The following ADCY2 variants were observed in gnomAD, a reference collection of about 807,000 sequenced individuals.
ADCY2 encodes adenylate cyclase type 2.
ADCY2 carries 31 observed loss-of-function variants against 125.2 expected under a neutral mutation model. That is an observed-to-expected ratio of 0.25 (90% CI 0.19 to 0.33). ADCY2 has a LOEUF of 0.33. ADCY2 is among the 10% of genes least tolerant of loss of function. ADCY2 has a pLI of 1.00. For missense variants in ADCY2, 904 were observed against 1,418.2 expected (o/e 0.64, Z 5.82); for synonymous variants, 512 against 548.4 (o/e 0.93, Z 0.93).
intron 7 of ADCY2, among the ~76,000 whole-genome samples, chr5:7,701,094 A>AAT (rs1271862524): frequency 6.6e-6 from 1 of 152,030 alleles, no homozygotes; most frequent in African/African-American, 2.4e-5. Context: ...GATTGAAAAA[A>AAT]ATATATTTTT....
chr5:7,399,071 C>A (rs986243120), intron 1 of ADCY2, among the ~76,000 whole-genome samples: 31 of 152,308 alleles, frequency 2.0e-4, no homozygotes, highest in Admixed American at 1.4e-3. Flanking sequence ...GCTTTGGGAC[C>A]CTGCCAAGGT....
chr5:7,673,929 G>A (rs1022443249), intron 4 of ADCY2, among the ~76,000 whole-genome samples: 5 of 152,252 alleles, frequency 3.3e-5, no homozygotes, highest in Non-Finnish European at 1.5e-5. Flanking sequence ...ATAAACTTAC[G>A]TTGTCAGGGC....
In ADCY2 at chr5:7,396,344, C is replaced by G. The variant is rs772867932; in HGVS notation, c.48C>G (p.Ser16=). The G allele has an allele frequency of 5.8e-6, 9 of 1,538,864 alleles. No homozygotes were observed. In the South Asian group the frequency reaches 9.4e-5, roughly 16 times the overall value. ...MRRRRYLRDR[S]EEAAGGGDGL... is the part of the protein sequence containing the mutation. ...GCCGCCGCTACCTGCGGGACCGCTC[C>G]GAGGAGGCGGCGGGCGGCGGAGACG... The change falls in exon 1 of 25, where the codon TCC becomes TCG. Residue 16 remains serine, a synonymous_variant. Transcript: ENST00000338316. This position sits in a 1 kb window ranked among gnomAD's most constrained non-coding sequence, Gnocchi z 5.7.
chr5:7,754,206 T>A (rs1742915915), intron 15 of ADCY2, among the ~76,000 whole-genome samples: 1 of 152,208 alleles, frequency 6.6e-6, no homozygotes, highest in South Asian at 2.1e-4. Context: ...TACTAGCCTA[T>A]GAGCAGAATA....
intron 2 of ADCY2, among the ~76,000 whole-genome samples, chr5:7,476,237 G>A (rs1742519883): frequency 6.6e-6 from 1 of 151,768 alleles, no homozygotes; most frequent in African/African-American, 2.4e-5. Flanking sequence ...AAAAAAAAAA[G>A]TATGAATGTT....
chr5:7,407,008 C>T (rs1047786947), intron 1 of ADCY2, among the ~76,000 whole-genome samples: 3 of 152,076 alleles, frequency 2.0e-5, no homozygotes, highest in African/African-American at 7.2e-5. Flanking sequence ...TTCCTGGCAC[C>T]ACACTCTTAT....
intron 4 of ADCY2, among the ~76,000 whole-genome samples, chr5:7,645,934 A>G (rs900690589): frequency 2.0e-5 from 3 of 152,218 alleles, no homozygotes; most frequent in Admixed American, 2.0e-4. Context: ...AAAAATACTT[A>G]AGTATGTTGC....
At chr5:7,785,170 T>C (rs894033247) in intron 19 of ADCY2, among the ~76,000 whole-genome samples, 1 of 152,216 alleles carries the variant, frequency 6.6e-6, no homozygotes, top group East Asian at 1.9e-4. Flanking sequence ...AACGAACCCA[T>C]GAAGAAGCAA....
chr5:7,806,211 A>G (rs752396957), intron 22 of ADCY2, among the ~76,000 whole-genome samples: 4 of 152,238 alleles, frequency 2.6e-5, no homozygotes, highest in African/African-American at 9.6e-5. Context: ...TATTCTATTT[A>G]TAACCCAAAC....
At chr5:7,762,236 C>T (rs1743246863) in intron 16 of ADCY2, among the ~76,000 whole-genome samples, 5 of 152,176 alleles carry the variant, frequency 3.3e-5, no homozygotes, top group Admixed American at 2.6e-4. Flanking sequence ...GTACTTATGT[C>T]AAAGAAAAAT....
chr5:7,511,304 G>T (rs1330501288), intron 2 of ADCY2, among the ~76,000 whole-genome samples: 2 of 152,146 alleles, frequency 1.3e-5, no homozygotes, highest in Non-Finnish European at 2.9e-5. Context: ...GGCCAGGGGC[G>T]GTGCCTCACG....
At chr5:7,643,659 G>A (rs1738788967) in intron 4 of ADCY2, among the ~76,000 whole-genome samples, 1 of 149,534 alleles carries the variant, frequency 6.7e-6, no homozygotes, top group Non-Finnish European at 1.5e-5. Context: ...ATGACATTTT[G>A]ATTTACTTCC....
intron 12 of ADCY2, among the ~76,000 whole-genome samples, chr5:7,718,305 C>T (rs1215336581): frequency 2.6e-5 from 4 of 151,978 alleles, no homozygotes; most frequent in East Asian, 1.9e-4. Flanking sequence ...ATCGCCACCA[C>T]ACCTAGCTAA....
At chr5:7,401,300 A>G (rs1260668247) in intron 1 of ADCY2, among the ~76,000 whole-genome samples, 3 of 152,194 alleles carry the variant, frequency 2.0e-5, no homozygotes, top group South Asian at 2.1e-4. Flanking sequence ...CTCATTCTAC[A>G]GATGATGAAA....
intron 4 of ADCY2, among the ~76,000 whole-genome samples, chr5:7,633,201 C>G (rs10042875): frequency 1.3e-5 from 2 of 151,860 alleles, no homozygotes; most frequent in East Asian, 3.9e-4. Flanking sequence ...GAGGCCGAGG[C>G]GGGCGGATCA....
intron 22 of ADCY2, among the ~76,000 whole-genome samples, chr5:7,816,286 C>T (rs751678535): frequency 3.3e-5 from 5 of 152,192 alleles, no homozygotes; most frequent in Admixed American, 6.5e-5. Context: ...AGCTGCCACC[C>T]GGGGCAGTAG....
intron 2 of ADCY2, 114 bp from the exon 3 acceptor site, chr5:7,520,624 C>G (rs1377348803): frequency 3.4e-6 from 4 of 1,167,016 alleles, no homozygotes; most frequent in Non-Finnish European, 3.7e-6. Context: ...TAGATTATTT[C>G]TAAAATGAGC....
intron 4 of ADCY2, among the ~76,000 whole-genome samples, chr5:7,651,794 T>A (rs1739100588): frequency 6.6e-6 from 1 of 152,076 alleles, no homozygotes; most frequent in African/African-American, 2.4e-5. Flanking sequence ...CACGTCTTTT[T>A]ATTTATTTAT....
rs1472879141 is a variant in ADCY2 at position 7,828,785 on chromosome 5, A to G, written c.*1914A>G. ...TGAGCTCAAACTGGCCTTGGTGTAA[A>G]ATGTGTAAGGATGAGCAGCAGGCGT... On this transcript the variant is annotated 3_prime_UTR_variant, in exon 25 of 25. Transcript: ENST00000338316. 1 of 152,232 alleles carries G rather than the reference A, an allele frequency of 6.6e-6. No individual in the cohort carries two copies. The highest frequency in any genetic ancestry group is 1.5e-5 in the Non-Finnish European group (1 of 68,030). 9.4% of individuals were successfully genotyped at this position (152,232 alleles called of 1,614,324 possible). A position where few individuals can be genotyped will look rare whatever the true frequency, so the allele number is the denominator to read the frequency against.
Sources: gnomAD v4.1 joint callset for allele counts (sites outside exome capture counted in the v4.1 genomes callset) on GRCh38, gnomAD v4.1.1 for gene constraint, Gnocchi (gnomAD v3.1) non-coding constraint, MANE v1.5 for transcripts, NCBI Gene and HGNC (gene_info 2026-07-23, HGNC 2026-07-21) for gene names.